Variants in TMPRSS11A observed in about 807,000 individuals in gnomAD.
TMPRSS11A encodes the protein transmembrane serine protease 11A, also known as transmembrane protease serine 11A.
A neutral mutation model predicts 58.9 loss-of-function variants in TMPRSS11A; 53 were observed. That is an observed-to-expected ratio of 0.90 (90% CI 0.72 to 1.13). The LOEUF (loss-of-function observed/expected upper bound fraction) is 1.13, where lower values mean the gene tolerates loss of function less well. Among genes scored for constraint, TMPRSS11A ranks in the 50% most tolerant of loss-of-function variants. The pLI, the probability that TMPRSS11A is intolerant of heterozygous loss-of-function variation, is 0.00. For missense variants in TMPRSS11A, 493 were observed against 499.3 expected (o/e 0.99, Z 0.12); for synonymous variants, 167 against 169.8 (o/e 0.98, Z 0.13).
rs951083499 is a variant in TMPRSS11A, at chr4:67,910,869, T to C, written c.*473A>G. 6.6e-6 allele frequency: 1 copy of C among 152,114 alleles called. No individual in the cohort carries two copies. The highest frequency in any genetic ancestry group is 2.4e-5 in the African/African-American group (1 of 41,434). The allele number at this position is 152,114 out of a possible 1,614,324, so 9.4% of individuals were successfully genotyped here. On this transcript the variant is annotated 3_prime_UTR_variant, in exon 10 of 10. Transcript: ENST00000508048. ...GTAGAAGTAGAAAATTCATTTCTTA[T>C]GGTGGAAAGGTACTTTGGAAAATCT...
At chr4:67,952,672 G>T (rs1226040229) in intron 1 of TMPRSS11A, among the ~76,000 whole-genome samples, 1 of 152,132 alleles carries the variant, frequency 6.6e-6, no homozygotes. Flanking sequence ...CCATATTTGA[G>T]GTTGTTTGTA....
intron 3 of TMPRSS11A, among the ~76,000 whole-genome samples, chr4:67,940,032 G>A (rs112400148): frequency 0.011 from 1,697 of 152,190 alleles, 25 homozygotes; most frequent in African/African-American, 0.029. Flanking sequence ...GTGGTAAATC[G>A]CATTTATTGA....
At chr4:67,953,553 C>T (rs1200956994) in intron 1 of TMPRSS11A, among the ~76,000 whole-genome samples, 2 of 152,118 alleles carry the variant, frequency 1.3e-5, no homozygotes, top group African/African-American at 4.8e-5. Flanking sequence ...AATCCCAACA[C>T]TTTCGGAGGT....
Position 67,918,993 on chromosome 4 carries a change from AATC to A in TMPRSS11A, c.929_931del (p.Gly310_Phe311delinsVal), listed in dbSNP as rs1278067680. The A allele has an allele frequency of 6.2e-7, 1 of 1,614,132 alleles. No homozygotes were observed. The highest frequency in any genetic ancestry group is 2.2e-5 in the East Asian group (1 of 44,870). On this transcript the variant is annotated inframe_deletion, in exon 8 of 10. Transcript: ENST00000508048. The stretch of plus-strand genomic sequence containing the variant: ...CCCACCACCATAGTAAAGTGCTCCA[AATC>A]CTGTGATGTGGACAGTCAAATTTGG...
At chr4:67,945,435 T>G (rs1241010536) in intron 2 of TMPRSS11A, among the ~76,000 whole-genome samples, 2 of 152,170 alleles carry the variant, frequency 1.3e-5, no homozygotes, top group African/African-American at 2.4e-5. Context: ...GCATATGTCT[T>G]AAGTGGGAAA....
At chr4:67,941,950 T>A (rs1023810540) in intron 3 of TMPRSS11A, among the ~76,000 whole-genome samples, 29 of 152,234 alleles carry the variant, frequency 1.9e-4, no homozygotes, top group African/African-American at 6.5e-4. Flanking sequence ...ACAGAATGGA[T>A]AAGCGCAGTG....
At position 67,929,966 on chromosome 4, in the gene TMPRSS11A, C is replaced by G; in HGVS notation, c.395G>C (p.Arg132Thr). The change falls in exon 5 of 10, where the codon AGA (arginine) becomes ACA (threonine). Residue 132 changes from arginine (R) to threonine (T), a missense_variant. Coordinates refer to ENST00000508048, the MANE Select transcript of TMPRSS11A (RefSeq NM_001114387.2). ...QFPSTEQRAVREKKIQSILNQ... is the reference protein window; with the variant it reads ...QFPSTEQRAVTEKKIQSILNQ... ...TAAGATGCTTTGGATTTTCTTCTCT[C>G]TTACTGCCCTTTGTTCAGTAGAGGG... The G allele has an allele frequency of 6.2e-7, 1 of 1,613,886 alleles. No individual in the cohort carries two copies. The highest frequency in any genetic ancestry group is 2.2e-5 in the East Asian group (1 of 44,864).
intron 8 of TMPRSS11A, 56 bp downstream of exon 8, chr4:67,918,912 GATGAA>G: frequency 1.3e-6 from 2 of 1,571,856 alleles, no homozygotes; most frequent in Admixed American, 3.4e-5. Flanking sequence ...TATTGATGGA[GATGAA>G]ATCACATTGC....
chr4:67,933,984 T>C (rs772276111), intron 3 of TMPRSS11A, among the ~76,000 whole-genome samples: 1 of 152,200 alleles, frequency 6.6e-6, no homozygotes, highest in Non-Finnish European at 1.5e-5. Context: ...GTGCCTGCTA[T>C]GAATGTCTAA....
chr4:67,941,660 CT>C (rs1201186277), intron 3 of TMPRSS11A, among the ~76,000 whole-genome samples: 1 of 152,186 alleles, frequency 6.6e-6, no homozygotes, highest in Non-Finnish European at 1.5e-5. Flanking sequence ...GATATTTTAA[CT>C]AGTTATATTC....
chr4:67,940,364 C>CA (rs200922845), intron 3 of TMPRSS11A, among the ~76,000 whole-genome samples: 1,649 of 151,836 alleles, frequency 0.011, 28 homozygotes, highest in African/African-American at 0.037. Flanking sequence ...CTAGTTTGGG[C>CA]CTTTTTTTTT....
chr4:67,924,813 C>A (rs1720423387), intron 5 of TMPRSS11A, among the ~76,000 whole-genome samples: 1 of 152,168 alleles, frequency 6.6e-6, no homozygotes. Flanking sequence ...GTCCCTCTCA[C>A]AACATGTGGG....
At chr4:67,954,254 G>A (rs961203507) in intron 1 of TMPRSS11A, among the ~76,000 whole-genome samples, 1 of 152,200 alleles carries the variant, frequency 6.6e-6, no homozygotes, top group African/African-American at 2.4e-5. Flanking sequence ...TGAGGCTGAA[G>A]GGGACTGAGA....
chr4:67,932,124 G>T (rs760669798), intron 3 of TMPRSS11A, 64 bp from the exon 4 acceptor site: 2 of 941,062 alleles, frequency 2.1e-6, no homozygotes, highest in Non-Finnish European at 3.2e-6. Context: ...ATATATCCTT[G>T]ATTAAATGTT....
chr4:67,933,154 A>C (rs576330188), intron 3 of TMPRSS11A, among the ~76,000 whole-genome samples: 2 of 152,084 alleles, frequency 1.3e-5, no homozygotes, highest in African/African-American at 4.8e-5. Context: ...TGTTTCAGGG[A>C]TCAAGAAACA....
chr4:67,931,276 C>T (rs1720610262), intron 4 of TMPRSS11A, among the ~76,000 whole-genome samples: 1 of 152,072 alleles, frequency 6.6e-6, no homozygotes, highest in African/African-American at 2.4e-5. Context: ...GCCAACAAAG[C>T]ATTATTAGTC....
At chr4:67,930,141 G>A in intron 4 of TMPRSS11A, 101 bp from the exon 5 acceptor site, 1 of 1,102,508 alleles carries the variant, frequency 9.1e-7, no homozygotes, top group Non-Finnish European at 1.3e-6. Flanking sequence ...CTCAGTTGCT[G>A]AGAGTGTCAA....
intron 1 of TMPRSS11A, among the ~76,000 whole-genome samples, chr4:67,949,523 C>G (rs1452844850): frequency 1.3e-5 from 2 of 152,196 alleles, no homozygotes; most frequent in African/African-American, 2.4e-5. Flanking sequence ...CTTCAACTTA[C>G]TGCCTACTTT....
chr4:67,932,735 A>G (rs1720660540), intron 3 of TMPRSS11A, among the ~76,000 whole-genome samples: 1 of 152,084 alleles, frequency 6.6e-6, no homozygotes, highest in South Asian at 2.1e-4. Context: ...GATTTAAGAG[A>G]GAGCCAAAAT....
Sources: allele counts gnomAD v4.1 joint callset (sites outside exome capture counted in the v4.1 genomes callset), GRCh38; gene constraint gnomAD v4.1.1; transcripts MANE v1.5; gene names NCBI Gene and HGNC (gene_info 2026-07-23, HGNC 2026-07-21).